Variants in TLL1 observed in about 807,000 individuals in gnomAD.
TLL1 encodes tolloid-like protein 1.
In TLL1, 49 loss-of-function variants were observed where a neutral mutation model predicts 128.2. That is an observed-to-expected ratio of 0.38 (90% CI 0.30 to 0.48). The LOEUF (loss-of-function observed/expected upper bound fraction) is 0.48. TLL1 is among the 20% of genes least tolerant of loss of function. TLL1 has a pLI of 0.96. For synonymous variants in TLL1, 454 were observed against 418.8 expected (o/e 1.08, Z -1.03); for missense variants, 1,123 against 1,242.0 (o/e 0.90, Z 1.44).
intron 12 of TLL1, among the ~76,000 whole-genome samples, chr4:166,054,152 T>A (rs1177224945): frequency 6.6e-6 from 1 of 150,660 alleles, no homozygotes. Flanking sequence ...TGTGTTGAGA[T>A]AAAAAGCCTC....
At chr4:166,098,082 C>G (rs1416628349) in intron 19 of TLL1, among the ~76,000 whole-genome samples, 1 of 151,932 alleles carries the variant, frequency 6.6e-6, no homozygotes, top group Admixed American at 6.6e-5. Flanking sequence ...GCATGTAATC[C>G]CAGCACTTTG....
chr4:166,066,631 C>T (rs561272058), intron 16 of TLL1, among the ~76,000 whole-genome samples: 18 of 151,756 alleles, frequency 1.2e-4, no homozygotes, highest in Non-Finnish European at 2.4e-4. Context: ...AATTCAAAGG[C>T]CGTTTATTCT....
chr4:166,012,498 T>TTGAA (rs944964598), intron 7 of TLL1, among the ~76,000 whole-genome samples: 2 of 149,126 alleles, frequency 1.3e-5, no homozygotes, highest in Admixed American at 1.5e-4. Flanking sequence ...TAGGAAAAAA[T>TTGAA]CGAACCCCAG....
rs368017262 is a variant in TLL1 at position 166,011,521 on chromosome 4, T to TTG, written c.918-2904_918-2903dup. Among the ~76,000 whole-genome samples, 114 of 151,572 alleles carry TTG rather than the reference T, an allele frequency of 7.5e-4. 1 individual carries two copies. The highest frequency in any genetic ancestry group is 2.3e-3 in the African/African-American group (97 of 41,458). ...ATTCGTTGACTGGTTCTAACGGATT[T>TTG]TGTGTGTGTGTGGAACAGTTAGAAT... On this transcript the variant is annotated intron_variant, in intron 7 of 20. Transcript: ENST00000061240.
At chr4:166,074,727 A>T in intron 16 of TLL1, 151 bp from the exon 17 acceptor site, 1 of 903,366 alleles carries the variant, frequency 1.1e-6, no homozygotes, top group Admixed American at 2.0e-5. Context: ...AAACTAAGAG[A>T]TCATACATTT....
chr4:165,874,235 A>C (rs1479720639), intron 1 of TLL1, among the ~76,000 whole-genome samples, 162 bp downstream of exon 1: 1 of 151,130 alleles, frequency 6.6e-6, no homozygotes, highest in Non-Finnish European at 1.5e-5. Context: ...CCCACCCGCA[A>C]GTGGCAGCCG....
At position 166,099,286 on chromosome 4, in the gene TLL1, G is replaced by C. The variant is rs780213528; in HGVS notation, c.2666G>C (p.Gly889Ala). The change falls in exon 20 of 21, where the codon GGA (glycine) becomes GCA (alanine). Residue 889 changes from glycine (G) to alanine (A), a missense_variant. By Grantham distance (60) the Gly-to-Ala change is moderately conservative. Transcript: ENST00000061240. Reference protein sequence around the residue: ...FQATHSTECGGRLKAESKPRD... With the variant: ...FQATHSTECGARLKAESKPRD... ...TTTCTTTCCTGGGCAGAGTGTGGCG[G>C]ACGATTGAAAGCAGAATCAAAACCA... 3 of 1,613,508 alleles carry C rather than the reference G, an allele frequency of 1.9e-6. No homozygotes were observed. In the East Asian group the frequency reaches 6.7e-5, roughly 36 times the overall value.
At chr4:166,092,585 T>A (rs1741822250) in intron 19 of TLL1, among the ~76,000 whole-genome samples, 1 of 152,116 alleles carries the variant, frequency 6.6e-6, no homozygotes, top group African/African-American at 2.4e-5. Context: ...AATAAAATCC[T>A]ATTACTTAAT....
chr4:165,968,185 A>G (rs912404327), intron 1 of TLL1, among the ~76,000 whole-genome samples: 2 of 152,194 alleles, frequency 1.3e-5, no homozygotes, highest in African/African-American at 2.4e-5. Flanking sequence ...TCCCTGAACA[A>G]GAGTTTTGTG....
chr4:165,954,930 C>T (rs986284071), intron 1 of TLL1, among the ~76,000 whole-genome samples: 4 of 152,088 alleles, frequency 2.6e-5, no homozygotes, highest in Admixed American at 2.6e-4. Context: ...CAAGCTGTCA[C>T]ACTAGGTCCC....
intron 1 of TLL1, among the ~76,000 whole-genome samples, chr4:165,904,025 G>A (rs4691223): frequency 0.5 from 75,357 of 151,792 alleles, 20,038 homozygotes; most frequent in East Asian, 0.87. Context: ...TCTTGTTGCT[G>A]ATATGTTAGA....
At chr4:165,886,287 A>T (rs1263653327) in intron 1 of TLL1, among the ~76,000 whole-genome samples, 3 of 152,140 alleles carry the variant, frequency 2.0e-5, no homozygotes, top group Non-Finnish European at 4.4e-5. Context: ...ACACATTTGT[A>T]ATGTGGGGAT....
chr4:165,950,173 G>T (rs1337241176), intron 1 of TLL1, among the ~76,000 whole-genome samples: 1 of 152,100 alleles, frequency 6.6e-6, no homozygotes, highest in African/African-American at 2.4e-5. Context: ...TTACCAGGGA[G>T]AAGAAGGAAT....
intron 12 of TLL1, among the ~76,000 whole-genome samples, chr4:166,050,662 T>C (rs1341404867): frequency 6.6e-6 from 1 of 152,168 alleles, no homozygotes; most frequent in African/African-American, 2.4e-5. Context: ...TGTGAGTGTG[T>C]CCCAAGCCTG....
chr4:165,956,387 A>C (rs1250954178), intron 1 of TLL1, among the ~76,000 whole-genome samples: 1 of 152,056 alleles, frequency 6.6e-6, no homozygotes, highest in African/African-American at 2.4e-5. Context: ...TAAGACAGAC[A>C]TTCCCAGAGC....
intron 1 of TLL1, among the ~76,000 whole-genome samples, chr4:165,913,415 T>A (rs1732632898): frequency 6.6e-6 from 1 of 152,192 alleles, no homozygotes; most frequent in African/African-American, 2.4e-5. Flanking sequence ...GTTTTTGAAA[T>A]ACGGTTTAAT....
chr4:166,046,392 G>A (rs1190115702), intron 12 of TLL1, among the ~76,000 whole-genome samples: 1 of 152,148 alleles, frequency 6.6e-6, no homozygotes, highest in Non-Finnish European at 1.5e-5. Context: ...GGATTTAAAG[G>A]TGCCTAATAG....
At chr4:166,049,999 C>A (rs1739635862) in intron 12 of TLL1, among the ~76,000 whole-genome samples, 1 of 152,022 alleles carries the variant, frequency 6.6e-6, no homozygotes, top group Non-Finnish European at 1.5e-5. Flanking sequence ...ATTACATTAG[C>A]TATGTTTTAA....
intron 16 of TLL1, among the ~76,000 whole-genome samples, chr4:166,071,922 G>A (rs978961953): frequency 1.3e-5 from 2 of 151,886 alleles, no homozygotes; most frequent in Admixed American, 6.6e-5. Flanking sequence ...TTACTACTCC[G>A]CAGACAAATT....
Sources: gnomAD v4.1 joint callset for allele counts (sites outside exome capture counted in the v4.1 genomes callset) on GRCh38, gnomAD v4.1.1 for gene constraint, MANE v1.5 for transcripts, NCBI Gene and HGNC (gene_info 2026-07-23, HGNC 2026-07-21) for gene names.